The following LRRC4B variants were observed in gnomAD, a reference collection of about 807,000 sequenced individuals.
LRRC4B encodes leucine rich repeat containing 4B, also known as leucine-rich repeat-containing protein 4B.
LRRC4B carries 1 observed loss-of-function variant against 7.3 expected under a neutral mutation model. The ratio of observed to expected loss-of-function variants is 0.14; its 90% CI spans 0.05 to 0.65. The LOEUF (loss-of-function observed/expected upper bound fraction) is 0.65, where lower values mean the gene tolerates loss of function less well. LRRC4B is among the 30% of genes least tolerant of loss of function. The pLI is 0.84. For synonymous variants in LRRC4B, 500 were observed against 499.2 expected, an observed-to-expected ratio of 1.00 and a Z score of -0.02; for missense variants, 730 against 1,041.6, an observed-to-expected ratio of 0.70 and a Z score of 4.12.
At chr19:50,528,877 C>G (rs556197647) in intron 2 of LRRC4B, among the ~76,000 whole-genome samples, 1 of 152,122 alleles carries the variant, frequency 6.6e-6, no homozygotes, top group Non-Finnish European at 1.5e-5. Flanking sequence ...TCTGCAGGTG[C>G]GGGTCCTGAG....
chr19:50,562,987 G>A (rs1353186668), intron 1 of LRRC4B, among the ~76,000 whole-genome samples: 3 of 151,926 alleles, frequency 2.0e-5, no homozygotes, highest in Non-Finnish European at 2.9e-5. Context: ...TGATCCACCC[G>A]CCTCAGCCTC....
chr19:50,559,899 T>C (rs1982411186), intron 1 of LRRC4B, among the ~76,000 whole-genome samples: 1 of 152,150 alleles, frequency 6.6e-6, no homozygotes, highest in Non-Finnish European at 1.5e-5. Flanking sequence ...TCTGGGAGGC[T>C]GAGGCGGGCA....
At chr19:50,527,011 G>A (rs1186032313) in intron 2 of LRRC4B, among the ~76,000 whole-genome samples, 2 of 144,210 alleles carry the variant, frequency 1.4e-5, no homozygotes, top group African/African-American at 2.5e-5. Context: ...ACGCCACTAC[G>A]CCCGGCTAAT....
intron 1 of LRRC4B, chr19:50,557,781 CAG>C: frequency 6.6e-6 from 1 of 152,218 alleles, no homozygotes; most frequent in Admixed American, 6.5e-5. Flanking sequence ...CCTTGAAGGA[CAG>C]GGGTTTGAAT....
intron 1 of LRRC4B, among the ~76,000 whole-genome samples, chr19:50,554,183 G>A (rs182996135): frequency 3.9e-5 from 6 of 151,962 alleles, no homozygotes; most frequent in Admixed American, 2.6e-4. Context: ...AGTTAGAATC[G>A]GGGGTTTCAC....
chr19:50,519,406 T>A lies in LRRC4B; in HGVS notation c.307A>T (p.Thr103Ser). Reference protein sequence around the residue: ...LQENGIQVIRTDTFKHLRHLE... With the variant: ...LQENGIQVIRSDTFKHLRHLE... The stretch of plus-strand genomic sequence containing the variant: ...TGCCGCAGGTGCTTGAACGTGTCCG[T>A]CCGGATCACCTGGGGAGAGGGAGAC... Residue 103 changes from threonine (T) to serine (S), a missense_variant, in exon 3 of 3, where the codon ACG becomes TCG. Physicochemically the swap from Thr to Ser is moderately conservative, Grantham distance 58. Coordinates refer to ENST00000652263, the MANE Select transcript of LRRC4B (RefSeq NM_001080457.2). This position sits in a 1 kb window ranked among gnomAD's most constrained non-coding sequence, Gnocchi z 8.1. The A allele has an allele frequency of 1.3e-6, 2 of 1,594,544 alleles. No individual in the cohort carries two copies. The highest frequency in any genetic ancestry group is 1.7e-6 in the Non-Finnish European group (2 of 1,173,688).
intron 1 of LRRC4B, among the ~76,000 whole-genome samples, chr19:50,560,090 G>A (rs567068396): frequency 2.8e-4 from 42 of 152,118 alleles, no homozygotes; most frequent in Non-Finnish European, 5.3e-4. Flanking sequence ...AGCCGAGATC[G>A]CACCACTGTA....
Position 50,518,374 on chromosome 19 carries a change from C to T in LRRC4B, c.1339G>A (p.Ala447Thr). 6.3e-7 allele frequency: 1 copy of T among 1,594,800 alleles called. No individual in the cohort carries two copies. Among genetic ancestry groups the T allele is most frequent in the Non-Finnish European group, 8.5e-7 (1 of 1,172,602 alleles). ...MVTNSAGNTTASATLNVSAVD... is the reference protein window; with the variant it reads ...MVTNSAGNTTTSATLNVSAVD... The stretch of plus-strand genomic sequence containing the variant: ...GCCGAGACGTTGAGCGTGGCCGAGG[C>T]GGTGGTGTTGCCGGCTGAGTTCGTC... Residue 447 changes from alanine to threonine, a missense_variant, in exon 3 of 3, where the codon GCC (alanine) becomes ACC (threonine). Ala to Thr is a moderately conservative substitution (Grantham distance 58, BLOSUM62 0). Transcript: ENST00000652263.
chr19:50,529,047 T>TC (rs1263775397), intron 2 of LRRC4B, among the ~76,000 whole-genome samples: 1 of 151,108 alleles, frequency 6.6e-6, no homozygotes, highest in Non-Finnish European at 1.5e-5. Context: ...GCTCTAAAAC[T>TC]CCCCCCTCTG....
At position 50,522,692 on chromosome 19, in the gene LRRC4B, G is replaced by C. The variant is rs182380137; in HGVS notation, c.298-3277C>G. On this transcript the variant is annotated intron_variant, in intron 2 of 2. Transcript: ENST00000652263. ...AGGGTTTTGCCATGTTGGCCAGGCTGGTCTCGAACTCCTGGCCTCAGGTGA... is the reference window on the plus strand; with the variant it reads ...AGGGTTTTGCCATGTTGGCCAGGCTCGTCTCGAACTCCTGGCCTCAGGTGA... Among the ~76,000 whole-genome samples the C allele has an allele frequency of 4.7e-3, 709 of 152,170 alleles. 2 individuals carry two copies. The highest frequency in any genetic ancestry group is 0.01 in the Middle Eastern group (3 of 294).
chr19:50,541,886 G>T (rs1407646853), intron 2 of LRRC4B, among the ~76,000 whole-genome samples: 1 of 152,190 alleles, frequency 6.6e-6, no homozygotes, highest in African/African-American at 2.4e-5. Context: ...TCAGGAAGCA[G>T]TGGGGGACTT....
rs962099802 is a variant in LRRC4B, at chr19:50,531,416, G to A, written c.298-12001C>T. ...GGCGGACAGCCTGAGGCTGCTCGGCGCTCAGCACGCAGTGACCCAGCTGCA... is the reference window on the plus strand; with the variant it reads ...GGCGGACAGCCTGAGGCTGCTCGGCACTCAGCACGCAGTGACCCAGCTGCA... On this transcript the variant is annotated intron_variant, in intron 2 of 2. Transcript: ENST00000652263. Among the ~76,000 whole-genome samples, 5 of 152,232 alleles carry A rather than the reference G, an allele frequency of 3.3e-5. No homozygotes were observed. The South Asian group carries it at 8.3e-4, about 25-fold the overall frequency.
At position 50,519,546 on chromosome 19, in the gene LRRC4B, A is replaced by G. The variant is rs1409300302; in HGVS notation, c.298-131T>C. On this transcript the variant is annotated intron_variant, in intron 2 of 2. Coordinates refer to ENST00000652263, the MANE Select transcript of LRRC4B (RefSeq NM_001080457.2). This position sits in a 1 kb window ranked among gnomAD's most constrained non-coding sequence, Gnocchi z 8.1. ...GCTGTGCTGTGACGGTACGACCTAT[A>G]TTGCAACATGGTTTGATGAGTTTCT... The G allele has an allele frequency of 1.3e-5, 18 of 1,424,864 alleles. No individual in the cohort carries two copies. The South Asian group carries it at 2.7e-4, about 21-fold the overall frequency. 88.3% of individuals were successfully genotyped at this position (1,424,864 alleles called of 1,614,324 possible). A position where few individuals can be genotyped will look rare whatever the true frequency, so the allele number is the denominator to read the frequency against.
intron 2 of LRRC4B, among the ~76,000 whole-genome samples, chr19:50,542,350 C>T (rs1361851297): frequency 2.0e-5 from 3 of 151,804 alleles, no homozygotes; most frequent in Non-Finnish European, 4.4e-5. Flanking sequence ...ATGTGAGCTG[C>T]GGGGAGGCAG....
At position 50,518,960 on chromosome 19, in the gene LRRC4B, A is replaced by G; in HGVS notation, c.753T>C (p.Gly251=). 1 of 1,613,568 alleles carries G rather than the reference A, an allele frequency of 6.2e-7. No individual in the cohort carries two copies. Among genetic ancestry groups the G allele is most frequent in the African/African-American group, 1.3e-5 (1 of 74,930 alleles). Reference sequence around the variant, plus strand: ...GCCACAGCTTGCGCAGGCTGGTGAGACCCTGGAAGGAGCCCGGGCGGATCA... The same window carrying G: ...GCCACAGCTTGCGCAGGCTGGTGAGGCCCTGGAAGGAGCCCGGGCGGATCA... The part of the protein sequence containing the change: ...LDLIRPGSFQ[G]LTSLRKLWLM... Residue 251 remains glycine (G), a synonymous_variant, in exon 3 of 3, where the codon GGT becomes GGC. Transcript: ENST00000652263.
chr19:50,532,987 T>A (rs1368117848), intron 2 of LRRC4B, among the ~76,000 whole-genome samples: 1 of 152,218 alleles, frequency 6.6e-6, no homozygotes, highest in African/African-American at 2.4e-5. Context: ...GCTTCCAACC[T>A]ATTCTGCTTT....
At position 50,518,157 on chromosome 19, in the gene LRRC4B, T is replaced by C. The variant is rs201087269; in HGVS notation, c.1556A>G (p.Asp519Gly). 4.9e-5 allele frequency: 79 copies of C among 1,605,956 alleles called. No individual in the cohort carries two copies. The Admixed American group carries it at 1.3e-3, about 26-fold the overall frequency. Residue 519 changes from aspartate to glycine, a missense_variant, in exon 3 of 3, where the codon GAC becomes GGC. Transcript: ENST00000652263. The stretch of plus-strand genomic sequence containing the variant: ...AGGCCGGCCCCCACCCCAGACACCG[T>C]CTGTCGTGGGCCCTGGCGGTTCCTT... ...TEKEPPGPTT[D>G]GVWGGGRPGD... is the part of the protein sequence containing the mutation.
chr19:50,538,559 GTTTT>G (rs71886675), intron 2 of LRRC4B, among the ~76,000 whole-genome samples: 7 of 90,326 alleles, frequency 7.7e-5, no homozygotes, highest in Admixed American at 3.7e-4. Context: ...GTTTTGTCTT[GTTTT>G]TTTTTTTTTT....
intron 2 of LRRC4B, among the ~76,000 whole-genome samples, chr19:50,524,938 A>G (rs567266963): frequency 1.2e-4 from 18 of 152,186 alleles, no homozygotes; most frequent in Non-Finnish European, 2.5e-4. Flanking sequence ...CCTAAGAACA[A>G]GGACTGTGAT....
Sources: gnomAD v4.1 joint callset for allele counts (sites outside exome capture counted in the v4.1 genomes callset) on GRCh38, gnomAD v4.1.1 for gene constraint, Gnocchi (gnomAD v3.1) non-coding constraint, MANE v1.5 for transcripts, NCBI Gene and HGNC (gene_info 2026-07-23, HGNC 2026-07-21) for gene names.